The following ENTREP2 variants were observed in gnomAD, a reference collection of about 807,000 sequenced individuals.
ENTREP2 encodes endosomal transmembrane epsin interactor 2, also known as protein ENTREP2.
chr15:29,615,175 A>T, the ENTREP2 span, among the ~76,000 whole-genome samples: 234 of 137,166 alleles, frequency 1.7e-3, no homozygotes, highest in African/African-American at 6.1e-3. Context: ...TTTTTTTTTG[A>T]GACGGAGTCT....
chr15:29,661,985 C>T, the ENTREP2 span, among the ~76,000 whole-genome samples: 4 of 151,942 alleles, frequency 2.6e-5, no homozygotes, highest in African/African-American at 9.7e-5. Context: ...CCGAGGCAGG[C>T]AGATCACTTG....
At chr15:29,661,059 AT>A in the ENTREP2 span, among the ~76,000 whole-genome samples, 30,916 of 152,056 alleles carry the variant, frequency 0.2, 5,318 homozygotes, top group African/African-American at 0.47. Context: ...TAATTACAGC[AT>A]TTTTTTGCTG....
At chr15:29,135,124 C>A in the ENTREP2 span, among the ~76,000 whole-genome samples, 1 of 151,708 alleles carries the variant, frequency 6.6e-6, no homozygotes, top group East Asian at 1.9e-4. This position sits in a 1 kb window ranked among gnomAD's most constrained non-coding sequence, Gnocchi z 7.4. Flanking sequence ...CTACCCCCGC[C>A]CCTCCCTGGT....
At chr15:29,149,944 C>T in the ENTREP2 span, among the ~76,000 whole-genome samples, 2 of 152,334 alleles carry the variant, frequency 1.3e-5, no homozygotes, top group Admixed American at 6.5e-5. Flanking sequence ...AGCGAGGAAA[C>T]AACAGGGCTT....
chr15:29,620,844 G>A, the ENTREP2 span, among the ~76,000 whole-genome samples: 19,671 of 152,062 alleles, frequency 0.13, 1,403 homozygotes, highest in Middle Eastern at 0.2. Context: ...AGGAAATGGA[G>A]AGAAAGGAAG....
At chr15:29,148,133 C>G in the ENTREP2 span, among the ~76,000 whole-genome samples, 77 of 152,204 alleles carry the variant, frequency 5.1e-4, no homozygotes, top group Middle Eastern at 3.4e-3. Context: ...TTTCCTAGGG[C>G]TGAGAGGTGG....
the ENTREP2 span, among the ~76,000 whole-genome samples, chr15:29,395,049 GCTA>G: frequency 1.4e-4 from 19 of 138,766 alleles, no homozygotes; most frequent in African/African-American, 4.2e-4. Flanking sequence ...ACCACGCCCG[GCTA>G]CTTTTTTTTG....
chr15:29,162,637 C>G, the ENTREP2 span, among the ~76,000 whole-genome samples: 4 of 152,196 alleles, frequency 2.6e-5, 1 homozygote, highest in South Asian at 8.3e-4. Context: ...ACCCATCCCC[C>G]ACAGGAGCTG....
At chr15:29,481,818 C>T in the ENTREP2 span, among the ~76,000 whole-genome samples, 8 of 151,952 alleles carry the variant, frequency 5.3e-5, no homozygotes, top group Non-Finnish European at 1.0e-4. Context: ...TGCCTTCTAC[C>T]CCCACATACT....
the ENTREP2 span, among the ~76,000 whole-genome samples, chr15:29,458,508 T>A: frequency 3.9e-5 from 6 of 151,970 alleles, no homozygotes; most frequent in South Asian, 6.3e-4. Context: ...CCCTACCCAA[T>A]CCCTCCAGCT....
chr15:29,383,918 T>A, the ENTREP2 span, among the ~76,000 whole-genome samples: 553 of 152,256 alleles, frequency 3.6e-3, no homozygotes, highest in African/African-American at 0.013. Flanking sequence ...TTACAGCCAT[T>A]TCCCACCGCC....
chr15:29,573,470 G>A, the ENTREP2 span, among the ~76,000 whole-genome samples: 1 of 152,184 alleles, frequency 6.6e-6, no homozygotes, highest in Admixed American at 6.5e-5. Flanking sequence ...TGTATAGACA[G>A]AAAAAGATTG....
At chr15:29,590,928 C>T in the ENTREP2 span, among the ~76,000 whole-genome samples, 1 of 152,126 alleles carries the variant, frequency 6.6e-6, no homozygotes, top group African/African-American at 2.4e-5. Flanking sequence ...TGATTCTCTT[C>T]AGAAGTTTAA....
chr15:29,221,932 T>A, the ENTREP2 span, among the ~76,000 whole-genome samples: 3 of 152,106 alleles, frequency 2.0e-5, no homozygotes, highest in Non-Finnish European at 4.4e-5. Flanking sequence ...GAAAACAGTG[T>A]TTCAAAAACA....
the ENTREP2 span, among the ~76,000 whole-genome samples, chr15:29,282,973 C>A: frequency 7.9e-5 from 12 of 152,302 alleles, no homozygotes; most frequent in African/African-American, 2.9e-4. Flanking sequence ...GGTTGACCCA[C>A]TGTTGCTCCC....
chr15:29,269,178 C>A, the ENTREP2 span: 1 of 1,614,084 alleles, frequency 6.2e-7, no homozygotes, highest in Non-Finnish European at 8.5e-7. Flanking sequence ...TCAGGAGGCC[C>A]GTAGTGGGCG....
the ENTREP2 span, chr15:29,137,219 G>T: frequency 6.8e-7 from 1 of 1,460,268 alleles, no homozygotes; most frequent in Non-Finnish European, 9.0e-7. Context: ...CAACCACAGA[G>T]TTATCTGGGA....
At chr15:29,359,823 A>C in the ENTREP2 span, among the ~76,000 whole-genome samples, 2 of 152,348 alleles carry the variant, frequency 1.3e-5, no homozygotes, top group South Asian at 4.1e-4. Context: ...ATATTTTGAC[A>C]AGGAAACATA....
At chr15:29,544,964 G>T in the ENTREP2 span, among the ~76,000 whole-genome samples, 3 of 152,132 alleles carry the variant, frequency 2.0e-5, no homozygotes, top group Non-Finnish European at 4.4e-5. Context: ...AGTTGAATTT[G>T]AATTGTCCCG....
Sources: allele counts gnomAD v4.1 joint callset (sites outside exome capture counted in the v4.1 genomes callset), GRCh38; gene constraint gnomAD v4.1.1; non-coding constraint Gnocchi (gnomAD v3.1); transcripts MANE v1.5; gene names NCBI Gene and HGNC (gene_info 2026-07-23, HGNC 2026-07-21).